The following ITGB2 variants were observed in gnomAD, a reference collection of about 807,000 sequenced individuals.
ITGB2 encodes integrin beta-2.
ITGB2 carries 56 observed loss-of-function variants against 86.8 expected under a neutral mutation model. That is an observed-to-expected ratio of 0.65 (90% CI 0.52 to 0.81). The LOEUF is 0.81. Among genes scored for constraint, ITGB2 ranks in the 30% least tolerant of loss-of-function variants. The pLI is 0.00. For synonymous variants in ITGB2, 457 were observed against 450.4 expected, an observed-to-expected ratio of 1.01 and a Z score of -0.19; for missense variants, 948 against 1,061.2, an observed-to-expected ratio of 0.89 and a Z score of 1.48.
In ITGB2 at chr21:44,919,024, C is replaced by CTCGGAG. The variant is rs1449421421; in HGVS notation, c.-4+1796_-4+1797insCTCCGA. On this transcript the variant is annotated intron_variant, in intron 1 of 15. Coordinates refer to ENST00000652462, the MANE Select transcript of ITGB2 (RefSeq NM_000211.5). ...TCCCCTCTCCCAGCACTCGGAGGCACCTGCAGTTGCTCAGCTGTTCATTGA... is the reference window on the plus strand; with the variant it reads ...TCCCCTCTCCCAGCACTCGGAGGCACTCGGAGCTGCAGTTGCTCAGCTGTTCATTGA... 4.3e-3 allele frequency among the ~76,000 whole-genome samples: 190 copies of CTCGGAG among 43,744 alleles called. 16 individuals are homozygous for CTCGGAG. Among genetic ancestry groups the CTCGGAG allele is most frequent in the African/African-American group, 0.016 (62 of 3,764 alleles). 28.7% of individuals were successfully genotyped at this position (43,744 alleles called of 152,430 possible).
chr21:44,893,704 G>T (rs1601291086), intron 9 of ITGB2, 160 bp from the exon 10 acceptor site: 1 of 973,512 alleles, frequency 1.0e-6, no homozygotes, highest in Non-Finnish European at 1.6e-6. Context: ...GCTGAGGATG[G>T]CAGGGCTGCC....
chr21:44,925,976 G>A (rs989918119), intron 1 of ITGB2, among the ~76,000 whole-genome samples: 1 of 152,102 alleles, frequency 6.6e-6, no homozygotes, highest in African/African-American at 2.4e-5. Context: ...ATGGTGGCGG[G>A]TGCCTGTAGT....
In ITGB2 at chr21:44,890,104, C is replaced by G; in HGVS notation, c.1531G>C (p.Asp511His). The G allele has an allele frequency of 6.2e-7, 1 of 1,613,466 alleles. No individual in the cohort carries two copies. Among genetic ancestry groups the G allele is most frequent in the Non-Finnish European group, 8.5e-7 (1 of 1,180,004 alleles). ...CACAGGCACTGCCCGCAGACACAGT[C>G]CCCCAGCCCTGAGCAGATGATGGAG... ...NNSIICSGLG[D>H]CVCGQCLCHT... The change falls in exon 12 of 16, where the codon GAC becomes CAC. Residue 511 changes from aspartate to histidine, a missense_variant. Asp to His is a moderately conservative substitution (Grantham distance 81, BLOSUM62 -1). Transcript: ENST00000652462.
In ITGB2 at chr21:44,888,903, G is replaced by A; in HGVS notation, c.1878-8C>T. 3 of 1,602,436 alleles carry A rather than the reference G, an allele frequency of 1.9e-6. No homozygotes were observed. Among genetic ancestry groups the A allele is most frequent in the Non-Finnish European group, 2.5e-6 (3 of 1,179,744 alleles). ...AGGCACTCGGCGCAGGAGCTGCGGG[G>A]AGCCAGGTGTGAGCATCGGTGCCAG... is the stretch of plus-strand genomic sequence containing the variant. On this transcript the variant is annotated splice_region_variant and splice_polypyrimidine_tract_variant and intron_variant, in intron 13 of 15. Coordinates refer to ENST00000652462, the MANE Select transcript of ITGB2 (RefSeq NM_000211.5).
At chr21:44,916,172 C>T (rs568084388) in intron 1 of ITGB2, among the ~76,000 whole-genome samples, 29 of 152,236 alleles carry the variant, frequency 1.9e-4, no homozygotes, top group South Asian at 1.9e-3. Flanking sequence ...CCGCCTGCCT[C>T]GGCCTCCCAA....
In ITGB2 at chr21:44,902,469, A is replaced by G. The variant is rs149167797; in HGVS notation, c.500-736T>C. Among the ~76,000 whole-genome samples, 720 of 148,038 alleles carry G rather than the reference A, an allele frequency of 4.9e-3. 3 individuals are homozygous for G. Among genetic ancestry groups the G allele is most frequent in the African/African-American group, 0.017 (686 of 39,728 alleles). The stretch of plus-strand genomic sequence containing the variant: ...TGTGAGCATACATTCATGTGTGAGC[A>G]TACATTCACATGTGAGAGCATGCAT... On this transcript the variant is annotated intron_variant, in intron 5 of 15. Transcript: ENST00000652462.
chr21:44,896,069 C>T (rs535394954), intron 8 of ITGB2, among the ~76,000 whole-genome samples: 8 of 150,390 alleles, frequency 5.3e-5, no homozygotes, highest in East Asian at 1.9e-4. Flanking sequence ...TGAGTGATCC[C>T]GCCTGCAGTG....
rs1213105108 is a variant in ITGB2, at chr21:44,910,803, C to A, written c.-3-18G>T. ...AGCATGTCCTGTGGAGGGAAGGGGT[C>A]TTGGTGACGGTCTCAGGCCCAACCC... On this transcript the variant is annotated intron_variant, in intron 1 of 15. Transcript: ENST00000652462. 1 of 1,610,954 alleles carries A rather than the reference C, an allele frequency of 6.2e-7. No individual in the cohort carries two copies.
intron 10 of ITGB2, 89 bp from the exon 11 acceptor site, chr21:44,892,085 G>C: frequency 2.3e-6 from 3 of 1,297,182 alleles, no homozygotes; most frequent in Non-Finnish European, 3.2e-6. Context: ...CCTCTGCAGG[G>C]GTCCTGGGGG....
intron 1 of ITGB2, among the ~76,000 whole-genome samples, chr21:44,926,377 T>C (rs1338543801): frequency 6.6e-6 from 1 of 152,214 alleles, no homozygotes; most frequent in Non-Finnish European, 1.5e-5. Flanking sequence ...TGTAAAAATA[T>C]CAGGTGTGGC....
intron 10 of ITGB2, among the ~76,000 whole-genome samples, chr21:44,892,282 A>C (rs1050880424): frequency 1.3e-5 from 2 of 152,088 alleles, no homozygotes; most frequent in African/African-American, 2.4e-5. Flanking sequence ...AGCTGAGCAC[A>C]CTCCCACTCA....
intron 9 of ITGB2, 87 bp downstream of exon 9, chr21:44,894,884 C>G (rs2083840735): frequency 1.0e-6 from 1 of 957,712 alleles, no homozygotes; most frequent in African/African-American, 1.6e-5. Flanking sequence ...AGACCACCCT[C>G]CTGCTGACCT....
Position 44,928,626 on chromosome 21 carries a change from C to T in ITGB2, c.-4+28G>A, listed in dbSNP as rs548872609. The T allele has an allele frequency of 4.6e-3, 636 of 138,694 alleles. 5 individuals are homozygous for T. Among genetic ancestry groups the T allele is most frequent in the African/African-American group, 0.016 (591 of 37,622 alleles). 8.6% of individuals were successfully genotyped at this position (138,694 alleles called of 1,614,324 possible). A position where few individuals can be genotyped will look rare whatever the true frequency, so the allele number is the denominator to read the frequency against. On this transcript the variant is annotated intron_variant, in intron 1 of 15. Transcript: ENST00000355153. ...TCCCGAGGGTCGGGTCGGGTCGGGT[C>T]GGGTTGGGTCGGGTGGGTGCCTCTT...
upstream of ITGB2, chr21:44,922,802 G>A (rs187944678): frequency 8.3e-4 from 126 of 152,310 alleles, 1 homozygote; most frequent in African/African-American, 3.0e-3. Context: ...CTGTGAATGG[G>A]TTACATTTTC....
chr21:44,912,338 C>T lies in ITGB2; in HGVS notation c.-3-1553G>A, dbSNP rs76126542. The stretch of plus-strand genomic sequence containing the variant: ...CAGGCCCTGGCTCCCCTCCATCCCC[C>T]GAAAGCCCTGCACCTGTGCTGGGGG... On this transcript the variant is annotated intron_variant, in intron 1 of 15. Transcript: ENST00000652462. Among the ~76,000 whole-genome samples, 746 of 152,292 alleles carry T rather than the reference C, an allele frequency of 4.9e-3. 11 individuals are homozygous for T. The highest frequency in any genetic ancestry group is 0.017 in the African/African-American group (700 of 41,564).
intron 6 of ITGB2, 50 bp downstream of exon 6, chr21:44,901,442 C>G: frequency 1.9e-6 from 3 of 1,599,520 alleles, no homozygotes; most frequent in Non-Finnish European, 2.6e-6. Context: ...CCTGACAGAG[C>G]CCCCCACACT....
chr21:44,915,781 C>A (rs145817831), intron 1 of ITGB2, among the ~76,000 whole-genome samples: 5 of 152,136 alleles, frequency 3.3e-5, no homozygotes, highest in African/African-American at 1.2e-4. Flanking sequence ...AGGAACAAGT[C>A]GGAGCAGAGA....
chr21:44,890,214 G>C lies in ITGB2; in HGVS notation c.1421C>G (p.Thr474Ser). The C allele has an allele frequency of 1.2e-6, 2 of 1,613,172 alleles. No individual in the cohort carries two copies. Among genetic ancestry groups the C allele is most frequent in the East Asian group, 4.5e-5 (2 of 44,870 alleles). Reference sequence around the variant, plus strand: ...CTCACAGTTTTTCCCAATGTAGCCAGTGTCACACCTGGGGACAGGAGGGGC... The same window carrying C: ...CTCACAGTTTTTCCCAATGTAGCCACTGTCACACCTGGGGACAGGAGGGGC... ...FLECGICRCD[T>S]GYIGKNCECQ... Residue 474 changes from threonine to serine, a missense_variant, in exon 12 of 16, where the codon ACT becomes AGT. Coordinates refer to ENST00000652462, the MANE Select transcript of ITGB2 (RefSeq NM_000211.5).
At chr21:44,906,620 CA>C (rs2084045730) in intron 4 of ITGB2, among the ~76,000 whole-genome samples, 1 of 151,984 alleles carries the variant, frequency 6.6e-6, no homozygotes, top group Admixed American at 6.5e-5. Flanking sequence ...TAGTGTTTTG[CA>C]AATGGTTTGG....
Sources: gnomAD v4.1 joint callset for allele counts (sites outside exome capture counted in the v4.1 genomes callset) on GRCh38, gnomAD v4.1.1 for gene constraint, MANE v1.5 for transcripts, NCBI Gene and HGNC (gene_info 2026-07-23, HGNC 2026-07-21) for gene names.